The following TLE4 variants were observed in gnomAD, a reference collection of about 807,000 sequenced individuals.
The protein encoded by TLE4 is TLE family member 4, transcriptional corepressor, also known as transducin-like enhancer protein 4.
In TLE4, 8 loss-of-function variants were observed where a neutral mutation model predicts 92.8. That is an observed-to-expected ratio of 0.09 (90% CI 0.05 to 0.16). TLE4 has a LOEUF of 0.16. Among genes scored for constraint, TLE4 ranks in the 10% least tolerant of loss-of-function variants. The pLI is 1.00. For synonymous variants in TLE4, 371 were observed against 374.1 expected (o/e 0.99, Z 0.10); for missense variants, 675 against 997.6 (o/e 0.68, Z 4.36).
intron 4 of TLE4, among the ~76,000 whole-genome samples, chr9:79,603,567 C>T (rs1368214054): frequency 6.6e-6 from 1 of 151,968 alleles, no homozygotes; most frequent in African/African-American, 2.4e-5. Flanking sequence ...ATAGTACAAA[C>T]ATAACTTTTA....
At chr9:79,574,590 C>G (rs914641131) in intron 2 of TLE4, among the ~76,000 whole-genome samples, 1 of 151,970 alleles carries the variant, frequency 6.6e-6, no homozygotes, top group African/African-American at 2.4e-5. Flanking sequence ...ATATTCAATT[C>G]TGGAGGAAGT....
At chr9:79,679,219 C>A (rs999405506) in intron 8 of TLE4, among the ~76,000 whole-genome samples, 12 of 152,074 alleles carry the variant, frequency 7.9e-5, no homozygotes, top group African/African-American at 2.9e-4. Context: ...AATGGTTGAA[C>A]TAGTTTACAG....
chr9:79,697,423 C>T (rs2068563196), intron 8 of TLE4, among the ~76,000 whole-genome samples: 1 of 151,936 alleles, frequency 6.6e-6, no homozygotes, highest in South Asian at 2.1e-4. Flanking sequence ...TGTACTTGTT[C>T]CAACTCATTC....
At chr9:79,724,935 T>C (rs990568230) in intron 19 of TLE4, 102 bp from the exon 20 acceptor site, 27 of 785,604 alleles carry the variant, frequency 3.4e-5, no homozygotes, top group Non-Finnish European at 5.8e-5. Context: ...GGCTTTCTGT[T>C]TGGTCAAGGA....
intron 8 of TLE4, among the ~76,000 whole-genome samples, chr9:79,693,955 T>C (rs1204558837): frequency 6.6e-6 from 1 of 152,202 alleles, no homozygotes; most frequent in African/African-American, 2.4e-5. Context: ...TCATTTCTGT[T>C]TACTGAGTAG....
rs2063196698 is a variant in TLE4 at position 79,676,035 on chromosome 9, G to C, written c.609+21960G>C. On this transcript the variant is annotated intron_variant, in intron 8 of 19. Coordinates refer to ENST00000376552, the MANE Select transcript of TLE4 (RefSeq NM_007005.6). ...CTGCTCAACCTGTACTGGCCACTTT[G>C]AACTGATTAGATAACAGGCATCACA... 2.6e-5 allele frequency among the ~76,000 whole-genome samples: 4 copies of C among 152,030 alleles called. No individual in the cohort carries two copies. In the South Asian group the frequency reaches 8.3e-4, roughly 32 times the overall value.
chr9:79,630,598 A>C (rs1238521639), intron 6 of TLE4, among the ~76,000 whole-genome samples: 2 of 152,166 alleles, frequency 1.3e-5, no homozygotes, highest in Non-Finnish European at 2.9e-5. Flanking sequence ...GTGTCCTGCT[A>C]GCCACTGTGT....
At chr9:79,715,874 C>A (rs1204167191) in intron 14 of TLE4, among the ~76,000 whole-genome samples, 1 of 152,166 alleles carries the variant, frequency 6.6e-6, no homozygotes, top group Non-Finnish European at 1.5e-5. Flanking sequence ...CCCTGTGTCA[C>A]CTCCAGATTC....
intron 6 of TLE4, among the ~76,000 whole-genome samples, chr9:79,648,936 A>G (rs1381505936): frequency 2.0e-5 from 3 of 152,182 alleles, no homozygotes; most frequent in Non-Finnish European, 4.4e-5. Flanking sequence ...GGAGCAAAGG[A>G]GCTAAAGGAG....
At chr9:79,645,299 G>A (rs948640090) in intron 6 of TLE4, among the ~76,000 whole-genome samples, 4 of 152,286 alleles carry the variant, frequency 2.6e-5, no homozygotes, top group Admixed American at 2.6e-4. Flanking sequence ...TTGTTTCTAA[G>A]GAAGGTGCGT....
intron 8 of TLE4, among the ~76,000 whole-genome samples, chr9:79,662,939 C>T (rs1564735473): frequency 1.3e-5 from 2 of 152,112 alleles, no homozygotes; most frequent in South Asian, 2.1e-4. Context: ...CCCTCGCCCC[C>T]ACAAGCCTGT....
chr9:79,680,038 A>G, intron 8 of TLE4, among the ~76,000 whole-genome samples: 1 of 152,150 alleles, frequency 6.6e-6, no homozygotes, highest in Non-Finnish European at 1.5e-5. Flanking sequence ...TATAGTTTGA[A>G]GTCAGGTAGC....
rs140571853 is a variant in TLE4 at position 79,717,176 on chromosome 9, C to T, written c.1341-1546C>T. On this transcript the variant is annotated intron_variant, in intron 14 of 19. Transcript: ENST00000376552. The stretch of plus-strand genomic sequence containing the variant: ...GATGATATCTAACCTGACCTCTCTC[C>T]TGAATCACAGCTGTTTGGATTTCTG... Among the ~76,000 whole-genome samples the T allele has an allele frequency of 9.9e-5, 15 of 152,276 alleles. No homozygotes were observed. In the East Asian group the frequency reaches 2.9e-3, roughly 29 times the overall value.
At chr9:79,605,532 T>C (rs1022046539) in intron 4 of TLE4, among the ~76,000 whole-genome samples, 8 of 152,176 alleles carry the variant, frequency 5.3e-5, no homozygotes, top group African/African-American at 1.9e-4. Flanking sequence ...CTCTTAAAGA[T>C]ATACCTCTAG....
At chr9:79,701,778 G>A (rs958042679) in intron 8 of TLE4, among the ~76,000 whole-genome samples, 5 of 152,154 alleles carry the variant, frequency 3.3e-5, no homozygotes, top group African/African-American at 9.7e-5. Context: ...AGATTGAGGC[G>A]TGCAGAGGGG....
chr9:79,587,223 A>T (rs2041348947), intron 4 of TLE4, among the ~76,000 whole-genome samples: 1 of 152,222 alleles, frequency 6.6e-6, no homozygotes, highest in African/African-American at 2.4e-5. Context: ...TTCATGTAGC[A>T]TCACATATTC....
At chr9:79,649,444 C>G (rs1267911372) in intron 6 of TLE4, 2 of 165,310 alleles carry the variant, frequency 1.2e-5, no homozygotes, top group East Asian at 3.7e-4. Context: ...ATTTCTGTTC[C>G]CCTGAAAAGT....
chr9:79,622,414 A>T (rs986606589), intron 5 of TLE4, among the ~76,000 whole-genome samples: 13 of 152,150 alleles, frequency 8.5e-5, no homozygotes. Context: ...TTTGCCTGGA[A>T]TTCTTTTATC....
intron 5 of TLE4, among the ~76,000 whole-genome samples, chr9:79,613,363 G>A (rs2048795336): frequency 6.6e-6 from 1 of 152,126 alleles, no homozygotes; most frequent in Non-Finnish European, 1.5e-5. Flanking sequence ...TACAGGGGAA[G>A]TGCATGCCAT....
Sources: gnomAD v4.1 joint callset for allele counts (sites outside exome capture counted in the v4.1 genomes callset) on GRCh38, gnomAD v4.1.1 for gene constraint, MANE v1.5 for transcripts, NCBI Gene and HGNC (gene_info 2026-07-23, HGNC 2026-07-21) for gene names.